Variants in RBM33 observed in about 807,000 individuals in gnomAD.
The protein encoded by RBM33 is RNA binding motif protein 33, also known as RNA-binding protein 33.
Under a neutral mutation model 132.6 loss-of-function variants are expected in RBM33, and 28 were observed. The observed-to-expected ratio is 0.21, with a 90% confidence interval of 0.16 to 0.29. The LOEUF is 0.29. Among genes scored for constraint, RBM33 ranks in the 10% least tolerant of loss-of-function variants. The probability of loss-of-function intolerance (pLI) is 1.00; values close to 1 mark genes in which losing one functional copy is unlikely to be tolerated. For missense variants in RBM33, 1,291 were observed against 1,518.5 expected, an observed-to-expected ratio of 0.85 and a Z score of 2.49; for synonymous variants, 634 against 593.0, an observed-to-expected ratio of 1.07 and a Z score of -1.01.
At chr7:155,722,477 G>A (rs1391369843) in intron 9 of RBM33, among the ~76,000 whole-genome samples, 1 of 152,170 alleles carries the variant, frequency 6.6e-6, no homozygotes, top group African/African-American at 2.4e-5. Flanking sequence ...CATTTCAGAT[G>A]TTCTCTGTTT....
rs1802527799 is a variant in RBM33, at chr7:155,774,113, A to G, written c.3376-446A>G. Among the ~76,000 whole-genome samples, 1 of 152,228 alleles carries G rather than the reference A, an allele frequency of 6.6e-6. No homozygotes were observed. Among genetic ancestry groups the G allele is most frequent in the Admixed American group, 6.5e-5 (1 of 15,286 alleles). On this transcript the variant is annotated intron_variant, in intron 16 of 17. Transcript: ENST00000401878. This position sits in a 1 kb window ranked among gnomAD's most constrained non-coding sequence, Gnocchi z 4.2. ...GATGGTAGACTAGGGGCCATTGCCTACTGTGGGCTGTGGGGCCCCCATACT... is the reference window on the plus strand; with the variant it reads ...GATGGTAGACTAGGGGCCATTGCCTGCTGTGGGCTGTGGGGCCCCCATACT...
intron 9 of RBM33, among the ~76,000 whole-genome samples, chr7:155,733,668 C>G (rs1801024197): frequency 6.6e-6 from 1 of 152,144 alleles, no homozygotes; most frequent in Non-Finnish European, 1.5e-5. Context: ...CCCTTAAGTT[C>G]TGCAAGAATC....
chr7:155,727,356 G>A (rs952685783), intron 9 of RBM33, among the ~76,000 whole-genome samples: 9 of 152,138 alleles, frequency 5.9e-5, no homozygotes, highest in African/African-American at 1.9e-4. Flanking sequence ...GTAGTTTTTA[G>A]CTGGGCGGTG....
intron 5 of RBM33, among the ~76,000 whole-genome samples, chr7:155,690,644 C>T (rs1456712357): frequency 6.6e-6 from 1 of 152,130 alleles, no homozygotes; most frequent in South Asian, 2.1e-4. Context: ...TCTTCAGGAA[C>T]TCTTGTAGGG....
chr7:155,686,905 G>A (rs1301766331), intron 5 of RBM33, among the ~76,000 whole-genome samples: 2 of 152,186 alleles, frequency 1.3e-5, no homozygotes, highest in Non-Finnish European at 2.9e-5. Context: ...TTGGTACCAA[G>A]TCTTTGCTAT....
At chr7:155,685,077 G>C in intron 5 of RBM33, 1 of 1,544,260 alleles carries the variant, frequency 6.5e-7, no homozygotes, top group Non-Finnish European at 8.7e-7. Flanking sequence ...TTTAAAAAGA[G>C]TAAAAAGTTT....
At chr7:155,652,731 C>T (rs185298695) in intron 1 of RBM33, among the ~76,000 whole-genome samples, 6 of 152,252 alleles carry the variant, frequency 3.9e-5, no homozygotes, top group African/African-American at 1.2e-4. Flanking sequence ...TGACCTCTTT[C>T]GTTTTGCTCA....
At chr7:155,762,299 C>G (rs535372605) in intron 14 of RBM33, among the ~76,000 whole-genome samples, 2 of 152,344 alleles carry the variant, frequency 1.3e-5, no homozygotes, top group South Asian at 4.1e-4. Flanking sequence ...TGTGCCTTTC[C>G]CTCTGAGGGT....
At chr7:155,767,144 T>C (rs1802248950) in intron 16 of RBM33, among the ~76,000 whole-genome samples, 1 of 152,266 alleles carries the variant, frequency 6.6e-6, no homozygotes, top group Non-Finnish European at 1.5e-5. Context: ...TGGCTAACTC[T>C]AATGCTGAAA....
At chr7:155,729,295 T>G (rs1305828334) in intron 9 of RBM33, among the ~76,000 whole-genome samples, 1 of 152,138 alleles carries the variant, frequency 6.6e-6, no homozygotes, top group East Asian at 1.9e-4. Flanking sequence ...GAGATGAGAT[T>G]TGGGTGGGGA....
intron 16 of RBM33, among the ~76,000 whole-genome samples, chr7:155,768,741 C>T (rs898791106): frequency 2.0e-5 from 3 of 152,214 alleles, no homozygotes; most frequent in Non-Finnish European, 2.9e-5. Context: ...CTCAGCCTCG[C>T]GAGTAGCTGG....
chr7:155,716,259 G>A (rs1213411230), intron 8 of RBM33, among the ~76,000 whole-genome samples: 2 of 150,594 alleles, frequency 1.3e-5, no homozygotes, highest in Non-Finnish European at 3.0e-5. Flanking sequence ...GTTCCCATGG[G>A]GACTGGACTG....
At chr7:155,658,799 C>T (rs1013414444) in intron 1 of RBM33, among the ~76,000 whole-genome samples, 8 of 152,180 alleles carry the variant, frequency 5.3e-5, no homozygotes, top group Non-Finnish European at 8.8e-5. Flanking sequence ...CAACTATTGA[C>T]CTGGCAAGAA....
At chr7:155,752,132 G>C (rs573342885) in intron 14 of RBM33, among the ~76,000 whole-genome samples, 1 of 152,320 alleles carries the variant, frequency 6.6e-6, no homozygotes, top group African/African-American at 2.4e-5. Flanking sequence ...CTTGGAACAT[G>C]TCCTCACTTT....
At chr7:155,754,683 A>G (rs6971991) in intron 14 of RBM33, among the ~76,000 whole-genome samples, 3,754 of 152,336 alleles carry the variant, frequency 0.025, 137 homozygotes, top group African/African-American at 0.085. Context: ...CCCCAGGCCT[A>G]GCTAATGTCA....
chr7:155,712,035 T>C (rs1044364545), intron 8 of RBM33, among the ~76,000 whole-genome samples: 1 of 152,250 alleles, frequency 6.6e-6, no homozygotes, highest in African/African-American at 2.4e-5. Flanking sequence ...TATCTCTTAT[T>C]GTATAATTGA....
intron 6 of RBM33, chr7:155,701,150 G>A: frequency 1.7e-6 from 1 of 580,876 alleles, no homozygotes; most frequent in East Asian, 2.9e-5. Flanking sequence ...GATTTAAAAT[G>A]CTTGAATAAA....
rs774091830 is a variant in RBM33, at chr7:155,757,040, T to G, written c.2980-6772T>G. ...GTGTCAACCACAGTATGGGCTGAAG[T>G]GTACCTTGAAATAAACGTCTGTCCA... is the stretch of plus-strand genomic sequence containing the variant. On this transcript the variant is annotated intron_variant, in intron 14 of 17. Coordinates refer to ENST00000401878, the MANE Select transcript of RBM33 (RefSeq NM_053043.3). 7.9e-5 allele frequency among the ~76,000 whole-genome samples: 12 copies of G among 152,316 alleles called. No homozygotes were observed. The Middle Eastern group carries it at 0.01, about 130-fold the overall frequency.
At chr7:155,688,466 A>C (rs1799539892) in intron 5 of RBM33, among the ~76,000 whole-genome samples, 1 of 152,122 alleles carries the variant, frequency 6.6e-6, no homozygotes, top group African/African-American at 2.4e-5. Context: ...AATATCCTTT[A>C]TTTCTTTCTC....
Sources: gnomAD v4.1 joint callset for allele counts (sites outside exome capture counted in the v4.1 genomes callset) on GRCh38, gnomAD v4.1.1 for gene constraint, Gnocchi (gnomAD v3.1) non-coding constraint, MANE v1.5 for transcripts, NCBI Gene and HGNC (gene_info 2026-07-23, HGNC 2026-07-21) for gene names.